PDE4D: variants seen among roughly 807,000 people sequenced by gnomAD.
The protein encoded by PDE4D is phosphodiesterase 4D.
In PDE4D, 24 loss-of-function variants were observed where a neutral mutation model predicts 87.4. That is an observed-to-expected ratio of 0.27 (90% confidence interval 0.20 to 0.39). The LOEUF (loss-of-function observed/expected upper bound fraction) is 0.39. Ranked by LOEUF, PDE4D falls within the 10% of genes least tolerant of loss-of-function variation. The probability of loss-of-function intolerance (pLI) is 1.00; values close to 1 mark genes in which losing one functional copy is unlikely to be tolerated. For synonymous variants in PDE4D, 384 were observed against 383.2 expected, an observed-to-expected ratio of 1.00 and a Z score of -0.02; for missense variants, 714 against 1,041.0, an observed-to-expected ratio of 0.69 and a Z score of 4.32.
chr5:59,540,492 T>A (rs1333397954), intron 1 of PDE4D, among the ~76,000 whole-genome samples: 1 of 152,112 alleles, frequency 6.6e-6, no homozygotes, highest in Non-Finnish European at 1.5e-5. Context: ...GCCTCAATTG[T>A]GATTTCTTTG....
intron 2 of PDE4D, among the ~76,000 whole-genome samples, chr5:60,175,025 C>T (rs1216508450): frequency 6.6e-6 from 1 of 151,864 alleles, no homozygotes; most frequent in Non-Finnish European, 1.5e-5. Context: ...CTCTTTTTCT[C>T]TTTCCTCTCC....
intron 1 of PDE4D, among the ~76,000 whole-genome samples, chr5:59,769,087 A>T (rs1351087595): frequency 6.9e-6 from 1 of 144,282 alleles, no homozygotes; most frequent in Admixed American, 6.9e-5. Context: ...TTTTTTTTTT[A>T]ATAAGGGAAG....
chr5:59,602,019 C>T (rs1349728847), intron 1 of PDE4D, among the ~76,000 whole-genome samples: 2 of 151,900 alleles, frequency 1.3e-5, no homozygotes, highest in Non-Finnish European at 2.9e-5. Context: ...ATGCAAAAAT[C>T]CTCAACAAAC....
chr5:59,545,903 A>G (rs1817185469), intron 1 of PDE4D, among the ~76,000 whole-genome samples: 1 of 152,206 alleles, frequency 6.6e-6, no homozygotes, highest in South Asian at 2.1e-4. Context: ...TGAGGATTTT[A>G]CTTGTAAAGT....
chr5:59,690,568 T>G (rs1221128260), intron 1 of PDE4D, among the ~76,000 whole-genome samples: 1 of 152,062 alleles, frequency 6.6e-6, no homozygotes, highest in Non-Finnish European at 1.5e-5. Flanking sequence ...AAAAATTAAT[T>G]CAAGATGGAT....
At chr5:59,845,488 T>A (rs868550002) in intron 1 of PDE4D, among the ~76,000 whole-genome samples, 4 of 152,108 alleles carry the variant, frequency 2.6e-5, no homozygotes, top group South Asian at 4.1e-4. Flanking sequence ...ATACTGAGCC[T>A]CAGAGAGGTG....
At chr5:59,294,985 A>C (rs1345982527) in intron 1 of PDE4D, among the ~76,000 whole-genome samples, 2 of 152,204 alleles carry the variant, frequency 1.3e-5, no homozygotes, top group African/African-American at 4.8e-5. Context: ...TTATTGGTGA[A>C]GGCTAATAGA....
chr5:59,083,589 C>T (rs1003798293), intron 5 of PDE4D, among the ~76,000 whole-genome samples: 1 of 117,526 alleles, frequency 8.5e-6, no homozygotes, highest in Non-Finnish European at 1.8e-5. Context: ...TTTATATATA[C>T]ATATATATTC....
At chr5:59,224,779 A>G (rs1753371033) in intron 1 of PDE4D, among the ~76,000 whole-genome samples, 1 of 152,164 alleles carries the variant, frequency 6.6e-6, no homozygotes, top group Non-Finnish European at 1.5e-5. Context: ...GAGACACAAG[A>G]GCATTCTCTC....
At chr5:59,275,825 A>G in intron 1 of PDE4D, 1 of 986,660 alleles carries the variant, frequency 1.0e-6, no homozygotes, top group Non-Finnish European at 1.2e-6. Context: ...GAGAAAAAGA[A>G]AATGACCGGG....
intron 1 of PDE4D, among the ~76,000 whole-genome samples, chr5:59,820,757 ATATATC>A (rs1335501934): frequency 1.3e-5 from 2 of 152,228 alleles, no homozygotes; most frequent in Admixed American, 1.3e-4. Flanking sequence ...AACTCCCAAT[ATATATC>A]TATGTATCTT....
At chr5:59,926,511 T>G (rs1373900724) in intron 3 of PDE4D, among the ~76,000 whole-genome samples, 2 of 152,056 alleles carry the variant, frequency 1.3e-5, no homozygotes, top group Non-Finnish European at 2.9e-5. Context: ...TCAAGATCAG[T>G]GCAGAAGTAA....
At chr5:59,777,611 G>C (rs1764205472) in intron 1 of PDE4D, among the ~76,000 whole-genome samples, 1 of 152,172 alleles carries the variant, frequency 6.6e-6, no homozygotes, top group Non-Finnish European at 1.5e-5. Context: ...CCTGTCCATA[G>C]ATTGCTCCAT....
chr5:60,132,501 A>G (rs1647572979), intron 2 of PDE4D, among the ~76,000 whole-genome samples: 1 of 152,182 alleles, frequency 6.6e-6, no homozygotes, highest in Non-Finnish European at 1.5e-5. Flanking sequence ...AGTAAAAAAT[A>G]ATAGAATCAG....
intron 3 of PDE4D, among the ~76,000 whole-genome samples, chr5:59,919,224 T>A (rs1754406155): frequency 6.6e-6 from 1 of 152,176 alleles, no homozygotes; most frequent in Non-Finnish European, 1.5e-5. Flanking sequence ...TTTATATCCA[T>A]GAAATAGCTA....
At chr5:60,373,694 G>A (rs1275338118) in intron 1 of PDE4D, among the ~76,000 whole-genome samples, 1 of 152,138 alleles carries the variant, frequency 6.6e-6, no homozygotes, top group East Asian at 1.9e-4. Flanking sequence ...GGATATCAGA[G>A]GCCAAGAAGG....
At chr5:59,225,042 TTTC>T (rs1485255842) in intron 1 of PDE4D, among the ~76,000 whole-genome samples, 1 of 152,198 alleles carries the variant, frequency 6.6e-6, no homozygotes, top group Non-Finnish European at 1.5e-5. Context: ...TAAGAAAAAT[TTTC>T]TTAACTGAAA....
At chr5:59,514,522 T>A (rs888428781) in intron 1 of PDE4D, among the ~76,000 whole-genome samples, 1 of 152,216 alleles carries the variant, frequency 6.6e-6, no homozygotes, top group African/African-American at 2.4e-5. Flanking sequence ...TTTATTTATT[T>A]ATTTATTTTT....
chr5:59,745,770 A>C (rs1759513684), intron 1 of PDE4D, among the ~76,000 whole-genome samples: 1 of 152,156 alleles, frequency 6.6e-6, no homozygotes, highest in African/African-American at 2.4e-5. Flanking sequence ...AGAAAGAAAA[A>C]AATGTTTGCA....
Sources: allele counts gnomAD v4.1 joint callset (sites outside exome capture counted in the v4.1 genomes callset), GRCh38; gene constraint gnomAD v4.1.1; transcripts MANE v1.5; gene names NCBI Gene and HGNC (gene_info 2026-07-23, HGNC 2026-07-21).